BTK: variants seen among roughly 807,000 people sequenced by gnomAD.
BTK encodes Bruton tyrosine kinase, also known as tyrosine-protein kinase BTK.
Under a neutral mutation model 57.4 loss-of-function variants are expected in BTK, and 5 were observed. The ratio of observed to expected loss-of-function variants is 0.09; its 90% CI spans 0.05 to 0.18. BTK has a LOEUF of 0.18. BTK is among the 10% of genes least tolerant of loss of function. The pLI is 1.00. For missense variants in BTK, 194 were observed against 501.2 expected (o/e 0.39, Z 5.85); for synonymous variants, 154 against 174.3 (o/e 0.88, Z 0.92).
Position 101,356,963 on chromosome X carries a change from T to A in BTK, c.1178-8A>T, listed in dbSNP as rs1555977937. 2 of 1,209,245 alleles carry A rather than the reference T, an allele frequency of 1.7e-6. No individual in the cohort carries two copies. The highest frequency in any genetic ancestry group is 3.5e-5 in the South Asian group (2 of 56,866). On this transcript the variant is annotated splice_polypyrimidine_tract_variant and splice_region_variant and intron_variant, in intron 13 of 18. Coordinates refer to ENST00000308731, the MANE Select transcript of BTK (RefSeq NM_000061.3). Reference sequence around the variant, plus strand: ...GATCAATTTCCCATGATCCTAACAATAAAGTCTTGGTGTGATTCTTTGGGG... The same window carrying A: ...GATCAATTTCCCATGATCCTAACAAAAAAGTCTTGGTGTGATTCTTTGGGG...
intron 1 of BTK, among the ~76,000 whole-genome samples, chrX:101,384,194 A>G (rs1477885040): frequency 8.9e-6 from 1 of 112,059 alleles, no homozygotes; most frequent in Non-Finnish European, 1.9e-5. Flanking sequence ...AGGAAACTCT[A>G]TAGGAAATTT....
chrX:101,350,089 GAAAAAA>G (rs199950200), intron 18 of BTK, 133 bp from the exon 19 acceptor site: 2 of 340,364 alleles, frequency 5.9e-6, no homozygotes, highest in South Asian at 5.4e-5. Context: ...ATTACAAAAG[GAAAAAA>G]AAAAAAAAAA....
intron 5 of BTK, among the ~76,000 whole-genome samples, chrX:101,363,583 G>C (rs185535870): frequency 1.3e-4 from 14 of 109,381 alleles, no homozygotes; most frequent in Admixed American, 9.9e-5. Context: ...CAGCGTGCCT[G>C]TAATCCCAGC....
chrX:101,379,552 T>C (rs1927343597), intron 1 of BTK, among the ~76,000 whole-genome samples: 1 of 112,566 alleles, frequency 8.9e-6, no homozygotes, highest in Non-Finnish European at 1.9e-5. Flanking sequence ...CATCCATCTG[T>C]AGCTCTTGGT....
At chrX:101,371,385 A>G (rs781927392) in intron 4 of BTK, among the ~76,000 whole-genome samples, 64 of 112,395 alleles carry the variant, frequency 5.7e-4, no homozygotes, top group Non-Finnish European at 1.0e-3. Flanking sequence ...AAGACACACT[A>G]TGATAGAATT....
Position 101,361,346 on chromosome X carries a change from A to G in BTK, c.589-591T>C, listed in dbSNP as rs369543460. 1.5e-4 allele frequency among the ~76,000 whole-genome samples: 17 copies of G among 111,452 alleles called. 3 individuals are homozygous for G. The East Asian group carries it at 1.7e-3, about 11-fold the overall frequency. Reference sequence around the variant, plus strand: ...TATTTTTAAAGCTCACTAGACAAAAACCATTTATAGCTAAGGTCAGGAAAC... The same window carrying G: ...TATTTTTAAAGCTCACTAGACAAAAGCCATTTATAGCTAAGGTCAGGAAAC... On this transcript the variant is annotated intron_variant, in intron 7 of 18. Transcript: ENST00000308731.
At chrX:101,390,707 C>A, upstream of BTK, 2 of 461,786 alleles carry the variant, frequency 4.3e-6, no homozygotes, top group South Asian at 6.1e-5. Context: ...CCCTCGGGGA[C>A]GGGGAGGCCA....
At chrX:101,373,870 C>T (rs995383456) in intron 3 of BTK, among the ~76,000 whole-genome samples, 36 of 109,232 alleles carry the variant, frequency 3.3e-4, no homozygotes, top group South Asian at 7.9e-4. Flanking sequence ...GGTGAAACCC[C>T]GTCTCTACTA....
chrX:101,378,229 G>A (rs930218137), intron 1 of BTK, among the ~76,000 whole-genome samples: 3 of 110,391 alleles, frequency 2.7e-5, no homozygotes, highest in Non-Finnish European at 3.8e-5. Flanking sequence ...GATTACAGGC[G>A]TGTGCCACCA....
intron 5 of BTK, among the ~76,000 whole-genome samples, chrX:101,366,157 AG>A (rs781873823): frequency 2.4e-4 from 27 of 111,823 alleles, no homozygotes; most frequent in Admixed American, 9.5e-4. Flanking sequence ...CTGTAATCCC[AG>A]CTACTTGGGA....
At chrX:101,355,920 A>G in intron 15 of BTK, 132 bp downstream of exon 15, 1 of 696,889 alleles carries the variant, frequency 1.4e-6, no homozygotes, top group Non-Finnish European at 2.3e-6. Flanking sequence ...GGCACGCCTA[A>G]CTTATAGTAC....
intron 18 of BTK, 113 bp from the exon 19 acceptor site, chrX:101,350,069 T>G (rs1221922983): frequency 2.1e-6 from 1 of 476,461 alleles, no homozygotes; most frequent in Non-Finnish European, 3.6e-6. Flanking sequence ...CCCAGTAGCA[T>G]GCCCTGTCGA....
intron 1 of BTK, among the ~76,000 whole-genome samples, chrX:101,375,987 G>T (rs200324131): frequency 1.9e-5 from 2 of 106,415 alleles, no homozygotes; most frequent in Non-Finnish European, 3.9e-5. Flanking sequence ...TGGGGGGGGG[G>T]TAGTTGTTGT....
At chrX:101,372,241 G>A (rs1927058454) in intron 3 of BTK, among the ~76,000 whole-genome samples, 1 of 111,297 alleles carries the variant, frequency 9.0e-6, no homozygotes, top group South Asian at 3.7e-4. Context: ...AAAGATAAAG[G>A]ATAAACTGAA....
intron 12 of BTK, 65 bp from the exon 13 acceptor site, chrX:101,357,648 C>T (rs1290104847): frequency 2.2e-6 from 2 of 889,760 alleles, no homozygotes; most frequent in Non-Finnish European, 3.3e-6. Context: ...CACACATCCT[C>T]ACTTAAAGCC....
At chrX:101,372,712 T>C (rs1555980525) in intron 3 of BTK, among the ~76,000 whole-genome samples, 1 of 108,370 alleles carries the variant, frequency 9.2e-6, no homozygotes, top group East Asian at 3.0e-4. Flanking sequence ...CCCAAAGTGC[T>C]GGGATTACAG....
At chrX:101,356,688 T>C in intron 14 of BTK, 96 bp downstream of exon 14, 1 of 1,055,915 alleles carries the variant, frequency 9.5e-7, no homozygotes, top group Non-Finnish European at 1.3e-6. Context: ...CCCAAACCTC[T>C]CTTACTGTAA....
intron 3 of BTK, among the ~76,000 whole-genome samples, chrX:101,372,604 ATG>A (rs1555980501): frequency 9.3e-6 from 1 of 108,082 alleles, no homozygotes; most frequent in African/African-American, 3.4e-5. Flanking sequence ...TCGCGCCACC[ATG>A]CCCAGCTAAT....
At chrX:101,369,077 T>C (rs782408522) in intron 5 of BTK, among the ~76,000 whole-genome samples, 1 of 112,593 alleles carries the variant, frequency 8.9e-6, no homozygotes, top group East Asian at 2.8e-4. Flanking sequence ...CATCCTGTGC[T>C]GCAAGCATTT....
Sources: gnomAD v4.1 joint callset for allele counts (sites outside exome capture counted in the v4.1 genomes callset) on GRCh38, gnomAD v4.1.1 for gene constraint, MANE v1.5 for transcripts, NCBI Gene and HGNC (gene_info 2026-07-23, HGNC 2026-07-21) for gene names.